TSHZ2: variants seen among roughly 807,000 people sequenced by gnomAD.
TSHZ2 encodes the protein teashirt homolog 2.
A neutral mutation model predicts 74.4 loss-of-function variants in TSHZ2; 21 were observed. The observed-to-expected ratio is 0.28, with a 90% CI of 0.20 to 0.41. The LOEUF (loss-of-function observed/expected upper bound fraction) is 0.41, where lower values mean the gene tolerates loss of function less well. TSHZ2 is among the 10% of genes least tolerant of loss of function. TSHZ2 has a pLI of 1.00. For missense variants in TSHZ2, 1,244 were observed against 1,293.5 expected (o/e 0.96, Z 0.59); for synonymous variants, 540 against 515.3 (o/e 1.05, Z -0.65).
At chr20:53,367,657 G>A (rs923189553) in intron 2 of TSHZ2, among the ~76,000 whole-genome samples, 6 of 151,714 alleles carry the variant, frequency 4.0e-5, no homozygotes, top group Admixed American at 1.3e-4. Context: ...TGCAAGCTCC[G>A]CCTTCTGGGT....
At chr20:53,470,339 T>A (rs760090403) in intron 2 of TSHZ2, among the ~76,000 whole-genome samples, 10 of 152,186 alleles carry the variant, frequency 6.6e-5, no homozygotes, top group Non-Finnish European at 8.8e-5. Flanking sequence ...ACACAGAGAT[T>A]TCTCTTAGGA....
At chr20:53,027,818 C>T (rs912138834) in intron 1 of TSHZ2, among the ~76,000 whole-genome samples, 17 of 152,142 alleles carry the variant, frequency 1.1e-4, no homozygotes, top group African/African-American at 3.1e-4. Context: ...ATTGAGTTTA[C>T]ACCTTGCGAA....
At chr20:53,390,350 T>G (rs1982204802) in intron 2 of TSHZ2, among the ~76,000 whole-genome samples, 1 of 152,176 alleles carries the variant, frequency 6.6e-6, no homozygotes, top group Admixed American at 6.5e-5. Context: ...ATAATAGAGC[T>G]GCTTTTCTGT....
chr20:53,182,094 C>G (rs555786323), intron 1 of TSHZ2, among the ~76,000 whole-genome samples: 8 of 151,482 alleles, frequency 5.3e-5, no homozygotes, highest in Non-Finnish European at 1.0e-4. Context: ...GCCTGCCTTC[C>G]TTTCCTTCCT....
chr20:53,326,606 C>T (rs1018771736), intron 2 of TSHZ2, among the ~76,000 whole-genome samples: 1 of 152,190 alleles, frequency 6.6e-6, no homozygotes, highest in African/African-American at 2.4e-5. Context: ...AAGGCTTTGC[C>T]TCCCTCCATG....
chr20:53,033,492 A>G (rs1308363971), intron 1 of TSHZ2, among the ~76,000 whole-genome samples: 1 of 152,110 alleles, frequency 6.6e-6, no homozygotes, highest in Non-Finnish European at 1.5e-5. Context: ...TTAAATTGAG[A>G]TAAGCATGAT....
At chr20:53,377,945 A>C (rs955218078) in intron 2 of TSHZ2, among the ~76,000 whole-genome samples, 1 of 152,210 alleles carries the variant, frequency 6.6e-6, no homozygotes, top group Non-Finnish European at 1.5e-5. Context: ...GGTCTCAGGG[A>C]TAAGTATTCT....
chr20:53,303,280 A>G (rs1978384607), intron 2 of TSHZ2, among the ~76,000 whole-genome samples: 1 of 152,214 alleles, frequency 6.6e-6, no homozygotes. Context: ...ACCTTTAAGC[A>G]ATGATGACGT....
intron 1 of TSHZ2, among the ~76,000 whole-genome samples, chr20:53,213,651 A>C (rs2123618440): frequency 6.6e-6 from 1 of 152,222 alleles, no homozygotes; most frequent in African/African-American, 2.4e-5. Context: ...TTCTTTGGTG[A>C]CAACATTATT....
At chr20:53,323,595 T>TGA (rs869210818) in intron 2 of TSHZ2, among the ~76,000 whole-genome samples, 1 of 117,106 alleles carries the variant, frequency 8.5e-6, no homozygotes, top group African/African-American at 3.6e-5. Context: ...TTTTTTTTTT[T>TGA]GACAGAGTCA....
chr20:53,386,199 T>C (rs1050319901), intron 2 of TSHZ2, among the ~76,000 whole-genome samples: 1 of 152,230 alleles, frequency 6.6e-6, no homozygotes, highest in Non-Finnish European at 1.5e-5. Flanking sequence ...TTTTTAGGCC[T>C]ACTGTTTAGA....
rs1020912909 is a variant in TSHZ2, at chr20:53,257,945, C to T, written c.*8+1374C>T. ...CACTAGGAGAGTTCCAGGTAGAGAG[C>T]GGTATTTACATGGCATGGCTTTGGG... On this transcript the variant is annotated intron_variant, in intron 2 of 2. Coordinates refer to ENST00000371497, the MANE Select transcript of TSHZ2 (RefSeq NM_173485.6). Among the ~76,000 whole-genome samples the T allele has an allele frequency of 1.1e-4, 17 of 152,138 alleles. No individual in the cohort carries two copies. In the South Asian group the frequency reaches 2.3e-3, roughly 20 times the overall value.
chr20:53,415,788 G>A (rs370430793), intron 2 of TSHZ2, among the ~76,000 whole-genome samples: 1 of 134,814 alleles, frequency 7.4e-6, no homozygotes, highest in Non-Finnish European at 1.6e-5. Flanking sequence ...ATGTATGTGT[G>A]TGTGTAGATA....
intron 2 of TSHZ2, among the ~76,000 whole-genome samples, chr20:53,379,963 G>C (rs1442645424): frequency 6.6e-6 from 1 of 152,172 alleles, no homozygotes; most frequent in Non-Finnish European, 1.5e-5. Flanking sequence ...ACTTGGAAAG[G>C]AAATGTGTAG....
In TSHZ2 at chr20:53,440,931, T is replaced by C. The variant is rs527236877; in HGVS notation, c.*9-46213T>C. 3.9e-5 allele frequency among the ~76,000 whole-genome samples: 6 copies of C among 152,346 alleles called. No individual in the cohort carries two copies. The South Asian group carries it at 1.2e-3, about 32-fold the overall frequency. On this transcript the variant is annotated intron_variant, in intron 2 of 2. Transcript: ENST00000371497. ...TATTTTTAGCAGCTTTCTAGGTGAC[T>C]CACATGGTCAACCAGGGCTGAGAAC...
At chr20:53,090,488 A>G (rs1358751019) in intron 1 of TSHZ2, among the ~76,000 whole-genome samples, 1 of 152,232 alleles carries the variant, frequency 6.6e-6, no homozygotes, top group South Asian at 2.1e-4. Flanking sequence ...TTTGAAAGCC[A>G]TGAGACAGAG....
chr20:53,358,394 G>T (rs146820633), intron 2 of TSHZ2, among the ~76,000 whole-genome samples: 1 of 135,216 alleles, frequency 7.4e-6, no homozygotes, highest in Admixed American at 8.0e-5. Flanking sequence ...AGGCTGGAGT[G>T]CAGTGGCAGG....
rs145863542 is a variant in TSHZ2 at position 53,089,067 on chromosome 20, C to T, written c.40+115734C>T. ...TGGCTCATCTCAACCACCTCCTCCT[C>T]GCCCCTGGCGCTCCGCAATCCTCTC... On this transcript the variant is annotated intron_variant, in intron 1 of 2. Transcript: ENST00000371497. 3.9e-4 allele frequency among the ~76,000 whole-genome samples: 59 copies of T among 152,114 alleles called. 2 individuals are homozygous for T. The highest frequency in any genetic ancestry group is 1.3e-3 in the African/African-American group (55 of 41,478).
rs1984163400 is a variant in TSHZ2, at chr20:53,044,702, G to A, written c.40+71369G>A. On this transcript the variant is annotated intron_variant, in intron 1 of 2. Coordinates refer to ENST00000371497, the MANE Select transcript of TSHZ2 (RefSeq NM_173485.6). ...GACAGTGCTGCTTGTATGTTTTGGG[G>A]TGCTTTCTTTCTTTGTTTGTTTTTA... 1.3e-5 allele frequency among the ~76,000 whole-genome samples: 2 copies of A among 152,036 alleles called. 1 individual carries two copies. Among genetic ancestry groups the A allele is most frequent in the Admixed American group, 1.3e-4 (2 of 15,252 alleles).
Sources: allele counts gnomAD v4.1 joint callset (sites outside exome capture counted in the v4.1 genomes callset), GRCh38; gene constraint gnomAD v4.1.1; transcripts MANE v1.5; gene names NCBI Gene and HGNC (gene_info 2026-07-23, HGNC 2026-07-21).